RILPL1: variants seen among roughly 807,000 people sequenced by gnomAD.
RILPL1 encodes the protein Rab interacting lysosomal protein like 1, also known as RILP-like protein 1.
RILPL1 carries 33 observed loss-of-function variants against 50.3 expected under a neutral mutation model. That is an observed-to-expected ratio of 0.66 (90% confidence interval 0.50 to 0.88). The LOEUF is 0.88. RILPL1 is among the 40% of genes least tolerant of loss of function. The pLI, the probability that RILPL1 is intolerant of heterozygous loss-of-function variation, is 0.00. For missense variants in RILPL1, 418 were observed against 542.5 expected (o/e 0.77, Z 2.28); for synonymous variants, 205 against 228.6 (o/e 0.90, Z 0.93).
rs759513192 is a variant in RILPL1 at position 123,522,782 on chromosome 12, A to T, written c.460+713T>A. On this transcript the variant is annotated intron_variant, in intron 2 of 6. Transcript: ENST00000376874. The surrounding 1 kb of genome is among the most constrained non-coding windows in gnomAD (Gnocchi z 4.0). ...TTATTTTTAAAAAAATCGTTAGTAGAGACGGGGTCTATGTTGCCCAGGCTG... is the reference window on the plus strand; with the variant it reads ...TTATTTTTAAAAAAATCGTTAGTAGTGACGGGGTCTATGTTGCCCAGGCTG... Among the ~76,000 whole-genome samples the T allele has an allele frequency of 1.2e-3, 179 of 152,060 alleles. 5 individuals carry two copies. Among genetic ancestry groups the T allele is most frequent in the Non-Finnish European group, 2.6e-4 (18 of 68,008 alleles).
At chr12:123,519,988 C>T (rs1168226153) in intron 2 of RILPL1, 1 of 152,316 alleles carries the variant, frequency 6.6e-6, no homozygotes, top group African/African-American at 2.4e-5. Context: ...GCTCAGAGCC[C>T]TCAGGTCCAG....
intron 2 of RILPL1, among the ~76,000 whole-genome samples, chr12:123,501,139 A>C (rs1883356058): frequency 6.6e-6 from 1 of 151,628 alleles, no homozygotes; most frequent in Non-Finnish European, 1.5e-5. Flanking sequence ...ATTTAAAAAT[A>C]AAATAAAATA....
At position 123,485,746 on chromosome 12, in the gene RILPL1, C is replaced by T. The variant is rs760642725; in HGVS notation, c.861G>A (p.Lys287=). 4 of 1,612,940 alleles carry T rather than the reference C, an allele frequency of 2.5e-6. No individual in the cohort carries two copies. In the South Asian group the frequency reaches 3.3e-5, roughly 13 times the overall value. Residue 287 remains lysine, a synonymous_variant, in exon 5 of 7, where the codon AAG becomes AAA. Coordinates refer to ENST00000376874, the MANE Select transcript of RILPL1 (RefSeq NM_178314.5). This position sits in a 1 kb window ranked among gnomAD's most constrained non-coding sequence, Gnocchi z 4.0. ...GGGTGAACCGGGGGCGGTTGGGGTC[C>T]TTGAGATCCATGGCCACCTTCTCTG... ...SDAEKVAMDL[K]DPNRPRFTLQ...
Position 123,499,475 on chromosome 12 carries a change from G to A in RILPL1, c.522C>T (p.Arg174=), listed in dbSNP as rs550802261. The change falls in exon 3 of 7, where the codon CGC becomes CGT. Residue 174 remains arginine (R), a synonymous_variant. Coordinates refer to ENST00000376874, the MANE Select transcript of RILPL1 (RefSeq NM_178314.5). The stretch of plus-strand genomic sequence containing the variant: ...CCCTGTCCTTGGCGCGGATCTCGTC[G>A]CGTTGTTTGTCCACCACCTCCTTCA... The part of the protein sequence containing the change: ...KKLKEVVDKQ[R]DEIRAKDREL... 50 of 1,613,904 alleles carry A rather than the reference G, an allele frequency of 3.1e-5. No individual in the cohort carries two copies. Among genetic ancestry groups the A allele is most frequent in the South Asian group, 2.7e-4 (25 of 91,080 alleles).
chr12:123,529,521 G>A (rs1048572264), intron 1 of RILPL1, among the ~76,000 whole-genome samples: 2 of 152,012 alleles, frequency 1.3e-5, no homozygotes, highest in Non-Finnish European at 2.9e-5. Flanking sequence ...AAGTGATCCA[G>A]CTGCCTCGGC....
At chr12:123,499,190 A>T (rs77425006) in intron 3 of RILPL1, among the ~76,000 whole-genome samples, 3,403 of 152,238 alleles carry the variant, frequency 0.022, 107 homozygotes, top group African/African-American at 0.073. Flanking sequence ...CCTTCCCAGG[A>T]GGCGGGAGGA....
chr12:123,491,779 C>T lies in RILPL1; in HGVS notation c.802-5974G>A, dbSNP rs953489914. On this transcript the variant is annotated intron_variant, in intron 4 of 6. Transcript: ENST00000376874. The surrounding 1 kb of genome is among the most constrained non-coding windows in gnomAD (Gnocchi z 4.0). ...AATCCCAGCAGGAGGCCGAAGCAGG[C>T]GGATCATTTGAGGTCAAGAGTTCGA... is the stretch of plus-strand genomic sequence containing the variant. Among the ~76,000 whole-genome samples, 6 of 152,134 alleles carry T rather than the reference C, an allele frequency of 3.9e-5. No homozygotes were observed. Among genetic ancestry groups the T allele is most frequent in the East Asian group, 1.9e-4 (1 of 5,164 alleles).
intron 1 of RILPL1, among the ~76,000 whole-genome samples, chr12:123,529,055 G>A (rs1885361737): frequency 1.3e-5 from 2 of 152,122 alleles, no homozygotes; most frequent in South Asian, 4.1e-4. Context: ...CCGACTCTGT[G>A]TTCTTTGAAC....
chr12:123,472,380 T>C lies in RILPL1; in HGVS notation c.*158A>G. ...TTCTTTAGAGTTTGGCGTCAGTTTT[T>C]CAATGTCCATCCTCAAATCAGACAG... On this transcript the variant is annotated 3_prime_UTR_variant, in exon 7 of 7. Transcript: ENST00000376874. The C allele has an allele frequency of 1.4e-6, 1 of 728,958 alleles. No individual in the cohort carries two copies. The allele number at this position is 728,958 out of a possible 1,614,324, so 45.2% of individuals were successfully genotyped here. A position where few individuals can be genotyped will look rare whatever the true frequency, so the allele number is the denominator to read the frequency against.
chr12:123,517,875 A>G (rs1048782371), intron 2 of RILPL1, among the ~76,000 whole-genome samples: 5 of 152,236 alleles, frequency 3.3e-5, no homozygotes, highest in South Asian at 2.1e-4. Flanking sequence ...CCTGCACACA[A>G]TGGAATGTAC....
At chr12:123,525,021 A>C (rs1363515831) in intron 1 of RILPL1, among the ~76,000 whole-genome samples, 1 of 152,088 alleles carries the variant, frequency 6.6e-6, no homozygotes, top group African/African-American at 2.4e-5. Flanking sequence ...AATCCCAGCT[A>C]CTCGGGAGGC....
intron 2 of RILPL1, among the ~76,000 whole-genome samples, chr12:123,506,801 A>G (rs1265827390): frequency 6.6e-6 from 1 of 152,110 alleles, no homozygotes; most frequent in African/African-American, 2.4e-5. Flanking sequence ...AGCTACACAA[A>G]GCCATGAAAC....
intron 2 of RILPL1, among the ~76,000 whole-genome samples, chr12:123,520,782 A>G (rs1884974589): frequency 6.6e-6 from 1 of 152,182 alleles, no homozygotes; most frequent in South Asian, 2.1e-4. Context: ...TGGGCACTCC[A>G]TCAGAGATAA....
Position 123,491,133 on chromosome 12 carries a change from C to T in RILPL1, c.802-5328G>A, listed in dbSNP as rs1038330546. On this transcript the variant is annotated intron_variant, in intron 4 of 6. Transcript: ENST00000376874. The surrounding 1 kb of genome is among the most constrained non-coding windows in gnomAD (Gnocchi z 4.0). ...TCTCGAGAGGCCACCAGGCAGTGACCGCAGGGCCACGGGCAGCCCAGGACT... is the reference window on the plus strand; with the variant it reads ...TCTCGAGAGGCCACCAGGCAGTGACTGCAGGGCCACGGGCAGCCCAGGACT... Among the ~76,000 whole-genome samples, 45 of 152,308 alleles carry T rather than the reference C, an allele frequency of 3.0e-4. No homozygotes were observed. The highest frequency in any genetic ancestry group is 1.9e-4 in the East Asian group (1 of 5,184).
At chr12:123,521,333 G>A (rs1884993002) in intron 2 of RILPL1, among the ~76,000 whole-genome samples, 1 of 151,762 alleles carries the variant, frequency 6.6e-6, no homozygotes, top group African/African-American at 2.4e-5. Flanking sequence ...TCAGGGTCAG[G>A]ACTCAAACCT....
chr12:123,474,790 T>C (rs1881480988), intron 6 of RILPL1: 1 of 152,202 alleles, frequency 6.6e-6, no homozygotes, highest in Admixed American at 6.5e-5. Context: ...AAATCAAAGC[T>C]TCGGATAAAC....
At chr12:123,501,950 CT>C (rs1883423465) in intron 2 of RILPL1, among the ~76,000 whole-genome samples, 1 of 151,718 alleles carries the variant, frequency 6.6e-6, no homozygotes, top group South Asian at 2.1e-4. Context: ...TGGCGCATGC[CT>C]GTAATCCCAG....
At chr12:123,532,272 C>T (rs192151981) in intron 1 of RILPL1, among the ~76,000 whole-genome samples, 1 of 152,330 alleles carries the variant, frequency 6.6e-6, no homozygotes, top group Non-Finnish European at 1.5e-5. Context: ...GAGGTTAGGG[C>T]AGGAAACCAC....
At chr12:123,479,649 G>A (rs1187596860) in intron 6 of RILPL1, among the ~76,000 whole-genome samples, 1 of 152,186 alleles carries the variant, frequency 6.6e-6, no homozygotes, top group Admixed American at 6.5e-5. Context: ...CTGGTCAAAA[G>A]CCCTTTGTGC....
Sources: gnomAD v4.1 joint callset for allele counts (sites outside exome capture counted in the v4.1 genomes callset) on GRCh38, gnomAD v4.1.1 for gene constraint, Gnocchi (gnomAD v3.1) non-coding constraint, MANE v1.5 for transcripts, NCBI Gene and HGNC (gene_info 2026-07-23, HGNC 2026-07-21) for gene names.